Variants in EYA1 observed in about 807,000 individuals in gnomAD.
The protein encoded by EYA1 is EYA transcriptional coactivator and phosphatase 1, also known as protein phosphatase EYA1.
In EYA1, 16 loss-of-function variants were observed where a neutral mutation model predicts 82.0. The observed-to-expected ratio is 0.20, with a 90% confidence interval of 0.13 to 0.30. The LOEUF is 0.30. Ranked by LOEUF, EYA1 falls within the 10% of genes least tolerant of loss-of-function variation. EYA1 has a pLI of 1.00. For synonymous variants in EYA1, 261 were observed against 264.4 expected, an observed-to-expected ratio of 0.99 and a Z score of 0.12; for missense variants, 633 against 730.7, an observed-to-expected ratio of 0.87 and a Z score of 1.54.
intron 2 of EYA1, among the ~76,000 whole-genome samples, chr8:71,526,858 G>A (rs1399037650): frequency 6.6e-6 from 1 of 152,130 alleles, no homozygotes; most frequent in Admixed American, 6.5e-5. Context: ...CCCTTACAAG[G>A]CTCCATCTCT....
chr8:71,417,093 G>T (rs1484330785), intron 2 of EYA1, among the ~76,000 whole-genome samples: 2 of 152,188 alleles, frequency 1.3e-5, no homozygotes, highest in Non-Finnish European at 2.9e-5. Flanking sequence ...GATGCTTCTT[G>T]CCCTTGAATA....
intron 2 of EYA1, among the ~76,000 whole-genome samples, chr8:71,408,723 C>G (rs941986384): frequency 8.4e-5 from 11 of 130,912 alleles, no homozygotes; most frequent in Non-Finnish European, 1.6e-4. Flanking sequence ...ATTCATAAAG[C>G]AAGTCCTGAG....
chr8:71,308,952 A>G (rs1304629069), intron 7 of EYA1, among the ~76,000 whole-genome samples: 2 of 152,174 alleles, frequency 1.3e-5, no homozygotes, highest in Non-Finnish European at 2.9e-5. Flanking sequence ...CCTCTTTGCC[A>G]TGGGCTATGT....
At chr8:71,219,206 T>C (rs1372387330) in intron 12 of EYA1, among the ~76,000 whole-genome samples, 7 of 152,290 alleles carry the variant, frequency 4.6e-5, no homozygotes, top group East Asian at 1.9e-4. Context: ...AGGACTTCAT[T>C]TGAAGTATTG....
intron 2 of EYA1, among the ~76,000 whole-genome samples, chr8:71,520,242 T>A (rs527928964): frequency 1.7e-3 from 260 of 149,034 alleles, no homozygotes; most frequent in African/African-American, 6.2e-3. Flanking sequence ...CAGGAAGTCA[T>A]GCAGTTGAAT....
intron 9 of EYA1, among the ~76,000 whole-genome samples, chr8:71,277,954 C>A (rs889142887): frequency 6.6e-6 from 1 of 152,114 alleles, no homozygotes; most frequent in Non-Finnish European, 1.5e-5. Flanking sequence ...TAAATTTTTA[C>A]ATCTGTAAAT....
intron 3 of EYA1, among the ~76,000 whole-genome samples, chr8:71,336,216 A>C: frequency 6.6e-6 from 1 of 152,162 alleles, no homozygotes; most frequent in East Asian, 1.9e-4. Context: ...AATAAGTGGG[A>C]CTTTCCAATA....
intron 2 of EYA1, among the ~76,000 whole-genome samples, chr8:71,392,812 T>C (rs1829355289): frequency 6.6e-6 from 1 of 152,304 alleles, no homozygotes; most frequent in Non-Finnish European, 1.5e-5. Flanking sequence ...TTTTAAATCA[T>C]AAGATAATAT....
chr8:71,216,568 T>G, intron 14 of EYA1, 124 bp downstream of exon 14: 46 of 1,003,544 alleles, frequency 4.6e-5, no homozygotes, highest in Non-Finnish European at 7.1e-5. Context: ...TAATGGCCAG[T>G]GAGATGAAAC....
chr8:71,430,685 G>A (rs886652763), intron 2 of EYA1, among the ~76,000 whole-genome samples: 68 of 152,146 alleles, frequency 4.5e-4, no homozygotes, highest in African/African-American at 1.6e-3. Flanking sequence ...CTGGCCAAGG[G>A]GCTGTTATCC....
intron 13 of EYA1, 22 bp downstream of exon 13, chr8:71,216,943 C>T (rs375427227): frequency 1.9e-5 from 31 of 1,612,322 alleles, no homozygotes; most frequent in Non-Finnish European, 2.3e-5. Flanking sequence ...GAGATGGTCA[C>T]TTCACATTCA....
At position 71,296,566 on chromosome 8, in the gene EYA1, G is replaced by A. The variant is rs185509088; in HGVS notation, c.826+2481C>T. Among the ~76,000 whole-genome samples, 34 of 151,090 alleles carry A rather than the reference G, an allele frequency of 2.3e-4. 1 individual carries two copies. The East Asian group carries it at 5.1e-3, about 22-fold the overall frequency. On this transcript the variant is annotated intron_variant, in intron 9 of 17. Transcript: ENST00000340726. ...CAGGTCATACATAAGATAAGAAAATGACTAGAGTCTAACTCTCCAGTATTA... is the reference window on the plus strand; with the variant it reads ...CAGGTCATACATAAGATAAGAAAATAACTAGAGTCTAACTCTCCAGTATTA...
chr8:71,269,704 C>A (rs1469503726), intron 11 of EYA1, 36 bp downstream of exon 11: 3 of 1,493,414 alleles, frequency 2.0e-6, no homozygotes, highest in African/African-American at 2.8e-5. Context: ...ATATTTACTC[C>A]AAAGAAATTA....
At position 71,384,329 on chromosome 8, in the gene EYA1, G is replaced by A. The variant is rs114966815; in HGVS notation, c.34-27818C>T. Among the ~76,000 whole-genome samples the A allele has an allele frequency of 5.8e-3, 885 of 152,150 alleles. 10 individuals are homozygous for A. The highest frequency in any genetic ancestry group is 0.02 in the African/African-American group (831 of 41,508). ...CTTCTCAGAGCTTTGTGAGATCCACGGTAAGGTTGACTTACTCCCCCAGAC... is the reference window on the plus strand; with the variant it reads ...CTTCTCAGAGCTTTGTGAGATCCACAGTAAGGTTGACTTACTCCCCCAGAC... On this transcript the variant is annotated intron_variant, in intron 2 of 18. Coordinates refer to the EYA1 transcript ENST00000643681.
intron 2 of EYA1, among the ~76,000 whole-genome samples, chr8:71,488,129 A>G (rs1810707787): frequency 6.6e-6 from 1 of 152,194 alleles, no homozygotes; most frequent in Non-Finnish European, 1.5e-5. Context: ...GTGATAGAAT[A>G]CTGCATAGCA....
chr8:71,431,295 A>G (rs999994733), intron 2 of EYA1, among the ~76,000 whole-genome samples: 5 of 152,204 alleles, frequency 3.3e-5, no homozygotes, highest in African/African-American at 1.2e-4. Context: ...TCTCTCTCAC[A>G]TGACCTATGG....
intron 12 of EYA1, among the ~76,000 whole-genome samples, chr8:71,237,059 T>C (rs1381498044): frequency 6.9e-6 from 1 of 144,316 alleles, no homozygotes; most frequent in Non-Finnish European, 1.5e-5. Flanking sequence ...ATTTCTTTTC[T>C]TTTTTTTTTT....
At chr8:71,234,903 A>G (rs529978791) in intron 12 of EYA1, among the ~76,000 whole-genome samples, 25 of 151,004 alleles carry the variant, frequency 1.7e-4, no homozygotes, top group Non-Finnish European at 2.4e-4. Flanking sequence ...CTTGAATCCA[A>G]CTCCTCCCCA....
intron 12 of EYA1, among the ~76,000 whole-genome samples, chr8:71,237,992 A>C (rs540350319): frequency 6.6e-6 from 1 of 152,290 alleles, no homozygotes; most frequent in African/African-American, 2.4e-5. Flanking sequence ...ATTAGTAAAA[A>C]GTCCTAGATG....
Sources: allele counts gnomAD v4.1 joint callset (sites outside exome capture counted in the v4.1 genomes callset), GRCh38; gene constraint gnomAD v4.1.1; transcripts MANE v1.5; gene names NCBI Gene and HGNC (gene_info 2026-07-23, HGNC 2026-07-21).